Variants in COL26A1 observed in about 807,000 individuals in gnomAD.
COL26A1 encodes collagen alpha-1(XXVI) chain.
A neutral mutation model predicts 59.3 loss-of-function variants in COL26A1; 41 were observed. The observed-to-expected ratio is 0.69, with a 90% CI of 0.54 to 0.90. The LOEUF is 0.90. COL26A1 is among the 40% of genes least tolerant of loss of function. COL26A1 has a pLI of 0.00. For missense variants in COL26A1, 612 were observed against 602.3 expected, an observed-to-expected ratio of 1.02 and a Z score of -0.17; for synonymous variants, 266 against 256.0, an observed-to-expected ratio of 1.04 and a Z score of -0.37.
chr7:101,396,714 G>T (rs538518847), intron 1 of COL26A1, among the ~76,000 whole-genome samples: 1 of 152,200 alleles, frequency 6.6e-6, no homozygotes, highest in African/African-American at 2.4e-5. Context: ...CACCCACCTC[G>T]GCCTCCCAAA....
chr7:101,547,309 T>A (rs945166372), intron 8 of COL26A1, 70 bp downstream of exon 8: 16 of 1,117,860 alleles, frequency 1.4e-5, no homozygotes, highest in African/African-American at 3.1e-5. Flanking sequence ...CCATGGGGCC[T>A]TGAGGGGAGC....
chr7:101,366,137 C>T (rs975410197), intron 1 of COL26A1, among the ~76,000 whole-genome samples: 5 of 152,174 alleles, frequency 3.3e-5, no homozygotes, highest in Admixed American at 6.6e-5. Context: ...GCTTGGGGCA[C>T]ATTGATATTC....
chr7:101,484,110 G>A (rs1167582996), intron 3 of COL26A1, among the ~76,000 whole-genome samples: 3 of 151,118 alleles, frequency 2.0e-5, no homozygotes, highest in African/African-American at 7.3e-5. Flanking sequence ...TCAACCTCCC[G>A]AGGTGCTGAG....
At chr7:101,420,477 C>A (rs1290099183) in intron 2 of COL26A1, among the ~76,000 whole-genome samples, 1 of 152,114 alleles carries the variant, frequency 6.6e-6, no homozygotes, top group Non-Finnish European at 1.5e-5. Flanking sequence ...GGAAATCCAG[C>A]CTGTCTTTGG....
intron 1 of COL26A1, among the ~76,000 whole-genome samples, chr7:101,414,800 C>T (rs1792335298): frequency 6.6e-6 from 1 of 152,094 alleles, no homozygotes; most frequent in African/African-American, 2.4e-5. Flanking sequence ...CCAGTAGAAT[C>T]AAAGGAAGGG....
At chr7:101,369,556 C>T (rs1180370556) in intron 1 of COL26A1, among the ~76,000 whole-genome samples, 1 of 143,566 alleles carries the variant, frequency 7.0e-6, no homozygotes, top group Non-Finnish European at 1.5e-5. Context: ...TCAGGCCATT[C>T]TCCTGCCTCA....
intron 3 of COL26A1, among the ~76,000 whole-genome samples, chr7:101,454,539 G>A (rs1028950970): frequency 3.9e-5 from 6 of 151,948 alleles, no homozygotes; most frequent in Admixed American, 1.3e-4. Flanking sequence ...GATTACAGGG[G>A]TGAGCCACCG....
rs1794367529 is a variant in COL26A1, at chr7:101,489,713, C to CTTTCTTTCTTTT, written c.385+41926_385+41927insTTTCTTTCTTTT. On this transcript the variant is annotated intron_variant, in intron 3 of 12. Transcript: ENST00000313669. ...TCTTTCTTTCTGTCTTTCTTTCTTT[C>CTTTCTTTCTTTT]ATTCTTTCTTTCTCTCTCTCTTTCT... Among the ~76,000 whole-genome samples the CTTTCTTTCTTTT allele has an allele frequency of 5.9e-3, 37 of 6,224 alleles. 10 individuals are homozygous for CTTTCTTTCTTTT. In the South Asian group the frequency reaches 0.18, roughly 31 times the overall value. 4.1% of individuals were successfully genotyped at this position (6,224 alleles called of 152,430 possible). A position where few individuals can be genotyped will look rare whatever the true frequency, so the allele number is the denominator to read the frequency against.
At chr7:101,422,856 G>A (rs1427030544) in intron 2 of COL26A1, among the ~76,000 whole-genome samples, 5 of 152,130 alleles carry the variant, frequency 3.3e-5, no homozygotes, top group African/African-American at 1.2e-4. Context: ...GCCCAGGCTG[G>A]TCTTGAACTC....
intron 3 of COL26A1, among the ~76,000 whole-genome samples, chr7:101,460,952 CTTACTGTCTCATTTGCACCTGCGGGATG>C (rs752969521): frequency 5.3e-5 from 8 of 152,100 alleles, no homozygotes; most frequent in Non-Finnish European, 8.8e-5. Context: ...CTCTGCCCTG[CTTACTGTCTCATTTGCACCTGCGGGATG>C]TTACTTTATT....
intron 1 of COL26A1, among the ~76,000 whole-genome samples, chr7:101,364,141 A>G (rs1172431260): frequency 2.0e-5 from 3 of 152,190 alleles, no homozygotes; most frequent in Middle Eastern, 6.8e-3. Flanking sequence ...CGGGACGCTC[A>G]GGGCTGCGGC....
At chr7:101,375,873 C>T (rs975268193) in intron 1 of COL26A1, among the ~76,000 whole-genome samples, 6 of 151,174 alleles carry the variant, frequency 4.0e-5, no homozygotes, top group Non-Finnish European at 7.4e-5. Flanking sequence ...GTAGTCCCAC[C>T]TACTTGGGAG....
At chr7:101,476,143 TGTG>T (rs1433656410) in intron 3 of COL26A1, among the ~76,000 whole-genome samples, 8 of 28,126 alleles carry the variant, frequency 2.8e-4, no homozygotes, top group East Asian at 2.8e-3. Context: ...CCCAGCTAAT[TGTG>T]TGTGTGTGTG....
At chr7:101,516,254 TTTTTGTTTTG>T (rs545194129) in intron 3 of COL26A1, among the ~76,000 whole-genome samples, 1 of 151,984 alleles carries the variant, frequency 6.6e-6, no homozygotes, top group Non-Finnish European at 1.5e-5. Context: ...TTTTTGTTGT[TTTTTGTTTTG>T]TTTTGTTTTG....
intron 3 of COL26A1, among the ~76,000 whole-genome samples, chr7:101,524,946 C>A (rs1347895289): frequency 1.3e-5 from 2 of 152,092 alleles, no homozygotes; most frequent in East Asian, 3.9e-4. Flanking sequence ...ACTCTGCCAG[C>A]CAAGTCAACA....
At chr7:101,458,288 A>G (rs1448261866) in intron 3 of COL26A1, among the ~76,000 whole-genome samples, 1 of 152,154 alleles carries the variant, frequency 6.6e-6, no homozygotes, top group Non-Finnish European at 1.5e-5. Flanking sequence ...AGCATAGTGG[A>G]CTTCATCACC....
chr7:101,401,912 C>T (rs754240959), intron 1 of COL26A1, among the ~76,000 whole-genome samples: 5 of 152,116 alleles, frequency 3.3e-5, no homozygotes, highest in Non-Finnish European at 7.4e-5. Flanking sequence ...TTCCTCTCTG[C>T]CTGCTGGGGG....
intron 2 of COL26A1, among the ~76,000 whole-genome samples, chr7:101,445,555 C>T (rs1485162691): frequency 8.1e-6 from 1 of 123,452 alleles, no homozygotes; most frequent in Admixed American, 8.9e-5. Context: ...AACGGTGAAA[C>T]CCCGTCTCTG....
At chr7:101,395,504 G>A (rs1373107129) in intron 1 of COL26A1, among the ~76,000 whole-genome samples, 2 of 152,224 alleles carry the variant, frequency 1.3e-5, no homozygotes, top group Admixed American at 1.3e-4. Flanking sequence ...CTTGGGATGA[G>A]GCTAGGTGGG....
Sources: gnomAD v4.1 joint callset for allele counts (sites outside exome capture counted in the v4.1 genomes callset) on GRCh38, gnomAD v4.1.1 for gene constraint, MANE v1.5 for transcripts, NCBI Gene and HGNC (gene_info 2026-07-23, HGNC 2026-07-21) for gene names.